The following SYNPR variants were observed in gnomAD, a reference collection of about 807,000 sequenced individuals.
The protein encoded by SYNPR is synaptoporin.
In SYNPR, 23 loss-of-function variants were observed where a neutral mutation model predicts 32.9. The ratio of observed to expected loss-of-function variants is 0.70; its 90% CI spans 0.50 to 0.99. The LOEUF (loss-of-function observed/expected upper bound fraction) is 0.99, where lower values mean the gene tolerates loss of function less well. Among genes scored for constraint, SYNPR ranks in the 50% least tolerant of loss-of-function variants. The pLI is 0.00. For missense variants in SYNPR, 318 were observed against 349.3 expected, an observed-to-expected ratio of 0.91 and a Z score of 0.71; for synonymous variants, 146 against 135.9, an observed-to-expected ratio of 1.07 and a Z score of -0.52.
At chr3:63,480,102 T>C (rs559120219) in intron 2 of SYNPR, among the ~76,000 whole-genome samples, 1 of 152,344 alleles carries the variant, frequency 6.6e-6, no homozygotes, top group South Asian at 2.1e-4. Flanking sequence ...CAAGTGTCTC[T>C]TCTTTCTAGG....
chr3:63,401,177 T>C (rs895071026), intron 2 of SYNPR, among the ~76,000 whole-genome samples: 1 of 151,990 alleles, frequency 6.6e-6, no homozygotes, highest in African/African-American at 2.4e-5. Context: ...CATAAAGGTA[T>C]TAGAAGGAAG....
upstream of SYNPR, among the ~76,000 whole-genome samples, chr3:63,277,448 G>C (rs1209531322): frequency 6.6e-6 from 1 of 152,136 alleles, no homozygotes; most frequent in Non-Finnish European, 1.5e-5. Flanking sequence ...AACTTTGGAG[G>C]AGGGACCCAG....
chr3:63,371,594 G>A (rs991994642), intron 2 of SYNPR, among the ~76,000 whole-genome samples: 1 of 152,220 alleles, frequency 6.6e-6, no homozygotes, highest in Admixed American at 6.5e-5. Context: ...AGCCCTAATT[G>A]CTGCTGCCCT....
chr3:63,269,332 T>C (rs58643927), intron 3 of SYNPR, among the ~76,000 whole-genome samples: 97,328 of 151,788 alleles, frequency 0.64, 31,571 homozygotes, highest in Middle Eastern at 0.74. Flanking sequence ...CTACTAAAAA[T>C]ACAAAAATTA....
intron 3 of SYNPR, among the ~76,000 whole-genome samples, chr3:63,521,996 G>A (rs901122551): frequency 2.6e-5 from 4 of 152,198 alleles, no homozygotes; most frequent in Admixed American, 2.0e-4. Context: ...TCCAGGCACA[G>A]TGCAGAGGAG....
intron 2 of SYNPR, among the ~76,000 whole-genome samples, chr3:63,423,362 C>T (rs78051265): frequency 0.02 from 3,052 of 152,264 alleles, 60 homozygotes; most frequent in Middle Eastern, 0.037. Flanking sequence ...ATGGCACCAG[C>T]TTTTGAGAAA....
Position 63,258,935 on chromosome 3 carries a change from C to A in SYNPR, n.154+6349C>A, listed in dbSNP as rs561950636. Among the ~76,000 whole-genome samples the A allele has an allele frequency of 1.1e-4, 17 of 152,276 alleles. No homozygotes were observed. The East Asian group carries it at 2.3e-3, about 21-fold the overall frequency. On this transcript the variant is annotated intron_variant and non_coding_transcript_variant, in intron 2 of 4. Transcript: ENST00000478456. ...AAATACAAACTACCATCAGAGAATACTATAAACACCTCTATGCAAATAAAC... is the reference window on the plus strand; with the variant it reads ...AAATACAAACTACCATCAGAGAATAATATAAACACCTCTATGCAAATAAAC...
intron 4 of SYNPR, among the ~76,000 whole-genome samples, chr3:63,567,544 T>A (rs548701144): frequency 2.0e-5 from 3 of 152,320 alleles, no homozygotes; most frequent in East Asian, 3.9e-4. Context: ...TTTAGCTTCA[T>A]TGGGGTCTCA....
At chr3:63,225,613 A>C (rs1422955207), upstream of SYNPR, among the ~76,000 whole-genome samples, 1 of 152,188 alleles carries the variant, frequency 6.6e-6, no homozygotes, top group African/African-American at 2.4e-5. Flanking sequence ...TAGGATTGTA[A>C]ACTGGAACCC....
At chr3:63,247,012 C>T (rs938241999) in intron 1 of SYNPR, among the ~76,000 whole-genome samples, 8 of 151,882 alleles carry the variant, frequency 5.3e-5, no homozygotes, top group Non-Finnish European at 1.0e-4. Context: ...ATCACCATGG[C>T]ACATGTTTAC....
At chr3:63,339,402 A>C (rs2087335194) in intron 2 of SYNPR, among the ~76,000 whole-genome samples, 1 of 152,210 alleles carries the variant, frequency 6.6e-6, no homozygotes, top group Non-Finnish European at 1.5e-5. Flanking sequence ...GTTGTAAGAA[A>C]TAATACATTA....
At chr3:63,421,417 A>C (rs1173841279) in intron 2 of SYNPR, among the ~76,000 whole-genome samples, 2 of 151,692 alleles carry the variant, frequency 1.3e-5, no homozygotes, top group Non-Finnish European at 2.9e-5. Flanking sequence ...GAAAAAAAAA[A>C]CCTAAGCTCT....
At chr3:63,434,695 T>C (rs1700049341) in intron 2 of SYNPR, among the ~76,000 whole-genome samples, 1 of 152,202 alleles carries the variant, frequency 6.6e-6, no homozygotes, top group Non-Finnish European at 1.5e-5. Flanking sequence ...ATCTTCTGGT[T>C]CCATACCAGG....
chr3:63,575,088 C>T (rs1225909674), intron 4 of SYNPR, among the ~76,000 whole-genome samples: 3 of 152,108 alleles, frequency 2.0e-5, no homozygotes, highest in South Asian at 2.1e-4. Context: ...TTCCTAAGCA[C>T]CCGCATTGAA....
At chr3:63,409,586 A>G (rs13433986) in intron 2 of SYNPR, among the ~76,000 whole-genome samples, 28,073 of 151,748 alleles carry the variant, frequency 0.18, 3,242 homozygotes, top group Non-Finnish European at 0.26. Flanking sequence ...AAATTCACAC[A>G]CTCCTTATAT....
intron 4 of SYNPR, among the ~76,000 whole-genome samples, chr3:63,603,341 C>G (rs189697147): frequency 6.6e-6 from 1 of 152,194 alleles, no homozygotes; most frequent in African/African-American, 2.4e-5. Context: ...TCATTTCTTT[C>G]TCTTGCCTGA....
intron 2 of SYNPR, among the ~76,000 whole-genome samples, chr3:63,418,559 G>A (rs1400313771): frequency 6.6e-6 from 1 of 152,110 alleles, no homozygotes; most frequent in Non-Finnish European, 1.5e-5. Context: ...CCCAAGACTG[G>A]GTAATTTATG....
chr3:63,493,157 G>A (rs1439287394), intron 3 of SYNPR, among the ~76,000 whole-genome samples: 1 of 152,034 alleles, frequency 6.6e-6, no homozygotes, highest in Non-Finnish European at 1.5e-5. Context: ...TCAACTGAGT[G>A]GTGGAGACCT....
At chr3:63,540,689 C>T (rs191780633) in intron 3 of SYNPR, among the ~76,000 whole-genome samples, 1 of 152,116 alleles carries the variant, frequency 6.6e-6, no homozygotes, top group East Asian at 1.9e-4. Context: ...TTGTGTATAA[C>T]TCTATGTTCA....
Sources: allele counts gnomAD v4.1 joint callset (sites outside exome capture counted in the v4.1 genomes callset), GRCh38; gene constraint gnomAD v4.1.1; transcripts MANE v1.5; gene names NCBI Gene and HGNC (gene_info 2026-07-23, HGNC 2026-07-21).